EN2: variants seen among roughly 807,000 people sequenced by gnomAD.
The protein encoded by EN2 is homeobox protein engrailed-2.
EN2 carries 7 observed loss-of-function variants against 25.0 expected under a neutral mutation model. The observed-to-expected ratio is 0.28, with a 90% CI of 0.16 to 0.53. The LOEUF is 0.53. Among genes scored for constraint, EN2 ranks in the 20% least tolerant of loss-of-function variants. The probability of loss-of-function intolerance (pLI) is 0.96; values close to 1 mark genes in which losing one functional copy is unlikely to be tolerated. For synonymous variants in EN2, 277 were observed against 243.3 expected, an observed-to-expected ratio of 1.14 and a Z score of -1.29; for missense variants, 524 against 501.8, an observed-to-expected ratio of 1.04 and a Z score of -0.42.
Position 155,459,047 on chromosome 7 carries a change from G to A in EN2, c.670G>A (p.Asp224Asn). ...PAWVYCTRYSDRPSSGPRSRK... is the reference protein window; with the variant it reads ...PAWVYCTRYSNRPSSGPRSRK... ...GTGGGTCTACTGTACGCGCTACTCG[G>A]ACCGGCCTTCTTCAGGTGAGCCCGC... Residue 224 changes from aspartate (D) to asparagine (N), a missense_variant, in exon 1 of 2, where the codon GAC becomes AAC. Coordinates refer to ENST00000297375, the MANE Select transcript of EN2 (RefSeq NM_001427.4). The A allele has an allele frequency of 6.3e-7, 1 of 1,579,790 alleles. No homozygotes were observed. The highest frequency in any genetic ancestry group is 8.5e-7 in the Non-Finnish European group (1 of 1,171,850).
Position 155,462,531 on chromosome 7 carries a change from C to G in EN2, c.846C>G (p.Ser282Arg), listed in dbSNP as rs1167574643. ...GCCAGAGCCTGGCGCAGGAGCTGAGCCTCAACGAGTCACAGATCAAGATTT... is the reference window on the plus strand; with the variant it reads ...GCCAGAGCCTGGCGCAGGAGCTGAGGCTCAACGAGTCACAGATCAAGATTT... ...QRRQSLAQEL[S>R]LNESQIKIWF... The change falls in exon 2 of 2, where the codon AGC becomes AGG. Residue 282 changes from serine to arginine, a missense_variant. Transcript: ENST00000297375. 2.5e-6 allele frequency: 4 copies of G among 1,614,192 alleles called. No homozygotes were observed. Among genetic ancestry groups the G allele is most frequent in the Admixed American group, 3.3e-5 (2 of 60,022 alleles).
Position 155,464,494 on chromosome 7 carries a change from G to A in EN2, c.*1807G>A, listed in dbSNP as rs1299046733. 6.6e-6 allele frequency: 1 copy of A among 152,620 alleles called. No individual in the cohort carries two copies. The highest frequency in any genetic ancestry group is 2.4e-5 in the African/African-American group (1 of 41,450). 9.5% of individuals were successfully genotyped at this position (152,620 alleles called of 1,614,324 possible). ...TAATAGTTTTACGTTGTACATAATA[G>A]TGTAAACCTTTTTAAAAAGGAAAGT... On this transcript the variant is annotated 3_prime_UTR_variant, in exon 2 of 2. Coordinates refer to ENST00000297375, the MANE Select transcript of EN2 (RefSeq NM_001427.4).
rs1301419421 is a variant in EN2, at chr7:155,458,280, G to GT, written c.-97dup. The GT allele has an allele frequency of 3.2e-6, 4 of 1,242,398 alleles. No homozygotes were observed. The highest frequency in any genetic ancestry group is 4.1e-6 in the Non-Finnish European group (4 of 985,286). The allele number at this position is 1,242,398 out of a possible 1,614,324, so 77.0% of individuals were successfully genotyped here. On this transcript the variant is annotated 5_prime_UTR_variant, in exon 1 of 2. Coordinates refer to ENST00000297375, the MANE Select transcript of EN2 (RefSeq NM_001427.4). Reference sequence around the variant, plus strand: ...GCACGCCCTCGGAAGACTCGGCGGGGTGGGGGCGCGGGGGTCTCCGTGTGC... The same window carrying GT: ...GCACGCCCTCGGAAGACTCGGCGGGGTTGGGGGCGCGGGGGTCTCCGTGTGC...
rs895571109 is a variant in EN2, at chr7:155,458,252, C to T, written c.-126C>T. 7.4e-6 allele frequency: 9 copies of T among 1,212,890 alleles called. No homozygotes were observed. The African/African-American group carries it at 1.3e-4, about 17-fold the overall frequency. 75.1% of individuals were successfully genotyped at this position (1,212,890 alleles called of 1,614,324 possible). ...GGACCTCAGCCCTGGCCGCGGCCGCCGCGCACGCCCTCGGAAGACTCGGCG... is the reference window on the plus strand; with the variant it reads ...GGACCTCAGCCCTGGCCGCGGCCGCTGCGCACGCCCTCGGAAGACTCGGCG... On this transcript the variant is annotated 5_prime_UTR_variant, in exon 1 of 2. Transcript: ENST00000297375.
rs992273663 is a variant in EN2 at position 155,462,512 on chromosome 7, G to A, written c.827G>A (p.Ser276Asn). ...TACCTGACGGAGCAGCGGCGCCAGA[G>A]CCTGGCGCAGGAGCTGAGCCTCAAC... ...NRYLTEQRRQ[S>N]LAQELSLNES... Residue 276 changes from serine to asparagine, a missense_variant, in exon 2 of 2, where the codon AGC (serine) becomes AAC (asparagine). Transcript: ENST00000297375. 6.2e-7 allele frequency: 1 copy of A among 1,614,220 alleles called. No individual in the cohort carries two copies. Among genetic ancestry groups the A allele is most frequent in the South Asian group, 1.1e-5 (1 of 91,082 alleles).
Position 155,458,634 on chromosome 7 carries a change from G to C in EN2, c.257G>C (p.Gly86Ala). 1 of 1,441,222 alleles carries C rather than the reference G, an allele frequency of 6.9e-7. No individual in the cohort carries two copies. Among genetic ancestry groups the C allele is most frequent in the Non-Finnish European group, 9.1e-7 (1 of 1,094,518 alleles). The allele number at this position is 1,441,222 out of a possible 1,614,324, so 89.3% of individuals were successfully genotyped here. ...GAGTTCGGCCGGCGAAAGGACGCGG[G>C]GACCTGCTGTGCGGGCGCGGGAGGA... is the stretch of plus-strand genomic sequence containing the variant. ...RPEFGRRKDA[G>A]TCCAGAGGGR... The change falls in exon 1 of 2, where the codon GGG (glycine) becomes GCG (alanine). Residue 86 changes from glycine (G) to alanine (A), a missense_variant. By Grantham distance (60) the Gly-to-Ala change is moderately conservative. Coordinates refer to ENST00000297375, the MANE Select transcript of EN2 (RefSeq NM_001427.4).
In EN2 at chr7:155,462,601, A is replaced by G; in HGVS notation, c.916A>G (p.Lys306Glu). ...RAKIKKATGN[K>E]NTLAVHLMAQ... ...CAAGATCAAGAAGGCCACGGGCAAC[A>G]AGAACACGCTGGCCGTGCACCTCAT... is the stretch of plus-strand genomic sequence containing the variant. Residue 306 changes from lysine to glutamate, a missense_variant, in exon 2 of 2, where the codon AAG (lysine) becomes GAG (glutamate). Transcript: ENST00000297375. 7 of 1,614,142 alleles carry G rather than the reference A, an allele frequency of 4.3e-6. No homozygotes were observed. Among genetic ancestry groups the G allele is most frequent in the Middle Eastern group, 1.6e-4 (1 of 6,062 alleles).
Position 155,462,255 on chromosome 7 carries a change from C to T in EN2, c.686-116C>T, listed in dbSNP as rs972801675. On this transcript the variant is annotated intron_variant, in intron 1 of 1. Transcript: ENST00000297375. ...AGCCCCACATCTGGCGGTTCAGCCT[C>T]GAGTGGCCTTGGGCGAGTCACTTCC... The T allele has an allele frequency of 2.9e-5, 35 of 1,200,804 alleles. No individual in the cohort carries two copies. The South Asian group carries it at 4.5e-4, about 15-fold the overall frequency. 74.4% of individuals were successfully genotyped at this position (1,200,804 alleles called of 1,614,324 possible).
rs1001204587 is a variant in EN2 at position 155,464,310 on chromosome 7, G to C, written c.*1623G>C. 1 of 152,434 alleles carries C rather than the reference G, an allele frequency of 6.6e-6. No homozygotes were observed. Among genetic ancestry groups the C allele is most frequent in the Non-Finnish European group, 1.5e-5 (1 of 68,054 alleles). 9.4% of individuals were successfully genotyped at this position (152,434 alleles called of 1,614,324 possible). A position where few individuals can be genotyped will look rare whatever the true frequency, so the allele number is the denominator to read the frequency against. On this transcript the variant is annotated 3_prime_UTR_variant, in exon 2 of 2. Transcript: ENST00000297375. The stretch of plus-strand genomic sequence containing the variant: ...GTCTTCTGTTTAGTGTATGGGGAAA[G>C]ACCAATCCAACTGTCCATCTGTGGC...
chr7:155,460,735 G>A (rs1795685551), intron 1 of EN2, among the ~76,000 whole-genome samples: 1 of 152,052 alleles, frequency 6.6e-6, no homozygotes, highest in Non-Finnish European at 1.5e-5. Context: ...CGTTCCGGAG[G>A]GCCAACCCCA....
chr7:155,462,765 A>G lies in EN2; in HGVS notation c.*78A>G, dbSNP rs1334712409. ...TAAAATCATAAAGGGCCAGTGTATA[A>G]AGATTATACCAGCATTAATAGTGAA... On this transcript the variant is annotated 3_prime_UTR_variant, in exon 2 of 2. Transcript: ENST00000297375. The G allele has an allele frequency of 7.1e-7, 1 of 1,418,430 alleles. No homozygotes were observed. The highest frequency in any genetic ancestry group is 9.4e-7 in the Non-Finnish European group (1 of 1,059,648). The allele number at this position is 1,418,430 out of a possible 1,614,324, so 87.9% of individuals were successfully genotyped here.
At chr7:155,462,228 C>A in intron 1 of EN2, 143 bp from the exon 2 acceptor site, 1 of 909,310 alleles carries the variant, frequency 1.1e-6, no homozygotes, top group Non-Finnish European at 1.7e-6. Flanking sequence ...AGTCCGAAGT[C>A]TAGCCCCACA....
chr7:155,463,510 T>TCC lies in EN2; in HGVS notation c.*823_*824insCC. 1 of 149,694 alleles carries TCC rather than the reference T, an allele frequency of 6.7e-6. No homozygotes were observed. The highest frequency in any genetic ancestry group is 1.5e-5 in the Non-Finnish European group (1 of 68,364). 9.3% of individuals were successfully genotyped at this position (149,694 alleles called of 1,614,324 possible). ...CCTTCCTTCCTCCTCCTCCTTCTCT[T>TCC]TCCTCCTCCTCCTCACCAAGGGCCC... is the stretch of plus-strand genomic sequence containing the variant. On this transcript the variant is annotated 3_prime_UTR_variant, in exon 2 of 2. Transcript: ENST00000297375.
rs1795731843 is a variant in EN2, at chr7:155,464,136, A to G, written c.*1449A>G. 6.6e-6 allele frequency: 1 copy of G among 152,164 alleles called. No homozygotes were observed. The highest frequency in any genetic ancestry group is 1.5e-5 in the Non-Finnish European group (1 of 68,018). 9.4% of individuals were successfully genotyped at this position (152,164 alleles called of 1,614,324 possible). On this transcript the variant is annotated 3_prime_UTR_variant, in exon 2 of 2. Transcript: ENST00000297375. ...AGTGTGTAAATAATCATTTCTTATC[A>G]TCACTTTTTGTCTTTTCTTGTTTTT...
chr7:155,459,047 G>T lies in EN2; in HGVS notation c.670G>T (p.Asp224Tyr). 1 of 1,579,790 alleles carries T rather than the reference G, an allele frequency of 6.3e-7. No individual in the cohort carries two copies. Among genetic ancestry groups the T allele is most frequent in the Non-Finnish European group, 8.5e-7 (1 of 1,171,850 alleles). Residue 224 changes from aspartate (D) to tyrosine (Y), a missense_variant, in exon 1 of 2, where the codon GAC becomes TAC. By Grantham distance (160) the Asp-to-Tyr change is radical. Transcript: ENST00000297375. ...GTGGGTCTACTGTACGCGCTACTCG[G>T]ACCGGCCTTCTTCAGGTGAGCCCGC... ...PAWVYCTRYS[D>Y]RPSSGPRSRK...
rs933671887 is a variant in EN2, at chr7:155,458,971, C to G, written c.594C>G (p.Asp198Glu). 3 of 1,541,372 alleles carry G rather than the reference C, an allele frequency of 1.9e-6. No homozygotes were observed. Among genetic ancestry groups the G allele is most frequent in the Non-Finnish European group, 2.6e-6 (3 of 1,153,492 alleles). The change falls in exon 1 of 2, where the codon GAC becomes GAG. Residue 198 changes from aspartate (D) to glutamate (E), a missense_variant. Asp to Glu is a conservative substitution (Grantham distance 45). Coordinates refer to ENST00000297375, the MANE Select transcript of EN2 (RefSeq NM_001427.4). ...GGDLSVSSDS[D>E]SSQAGANLGA... ...ACCTGTCGGTGAGCTCGGACTCGGA[C>G]AGCTCGCAAGCCGGCGCCAACCTGG... is the stretch of plus-strand genomic sequence containing the variant.
Position 155,462,433 on chromosome 7 carries a change from G to T in EN2, c.748G>T (p.Ala250Ser). The stretch of plus-strand genomic sequence containing the variant: ...CAAAGAGGACAAGCGGCCGCGCACG[G>T]CCTTTACCGCCGAGCAGCTGCAGAG... ...PNKEDKRPRT[A>S]FTAEQLQRLK... The change falls in exon 2 of 2, where the codon GCC becomes TCC. Residue 250 changes from alanine to serine, a missense_variant. Physicochemically the swap from Ala to Ser is moderately conservative, Grantham distance 99. Transcript: ENST00000297375. 1 of 1,614,110 alleles carries T rather than the reference G, an allele frequency of 6.2e-7. No individual in the cohort carries two copies. Among genetic ancestry groups the T allele is most frequent in the Non-Finnish European group, 8.5e-7 (1 of 1,180,048 alleles).
chr7:155,458,333 G>A lies in EN2; in HGVS notation c.-45G>A. ...CGCGGGAGGGCCGAAGGCTGATTTG[G>A]AAGGGCGTCCCCGGAGAACCAGTGT... On this transcript the variant is annotated 5_prime_UTR_variant, in exon 1 of 2. Coordinates refer to ENST00000297375, the MANE Select transcript of EN2 (RefSeq NM_001427.4). 7.8e-7 allele frequency: 1 copy of A among 1,277,344 alleles called. No individual in the cohort carries two copies. The highest frequency in any genetic ancestry group is 1.0e-6 in the Non-Finnish European group (1 of 1,004,754). The allele number at this position is 1,277,344 out of a possible 1,614,324, so 79.1% of individuals were successfully genotyped here. A position where few individuals can be genotyped will look rare whatever the true frequency, so the allele number is the denominator to read the frequency against.
chr7:155,462,252 C>T (rs1795704824), intron 1 of EN2, 119 bp from the exon 2 acceptor site: 2 of 1,168,814 alleles, frequency 1.7e-6, no homozygotes, highest in South Asian at 3.0e-5. Context: ...GGCGGTTCAG[C>T]CTCGAGTGGC....
Sources: allele counts gnomAD v4.1 joint callset (sites outside exome capture counted in the v4.1 genomes callset), GRCh38; gene constraint gnomAD v4.1.1; transcripts MANE v1.5; gene names NCBI Gene and HGNC (gene_info 2026-07-23, HGNC 2026-07-21).